The following TMEM132D variants were observed in gnomAD, a reference collection of about 807,000 sequenced individuals.
The protein encoded by TMEM132D is mature OL transmembrane protein.
Under a neutral mutation model 62.3 loss-of-function variants are expected in TMEM132D, and 21 were observed. The observed-to-expected ratio is 0.34, with a 90% CI of 0.24 to 0.49. The LOEUF (loss-of-function observed/expected upper bound fraction) is 0.49. Among genes scored for constraint, TMEM132D ranks in the 20% least tolerant of loss-of-function variants. The pLI is 0.99. For missense variants in TMEM132D, 1,346 were observed against 1,402.8 expected, an observed-to-expected ratio of 0.96 and a Z score of 0.65; for synonymous variants, 621 against 575.6, an observed-to-expected ratio of 1.08 and a Z score of -1.13.
intron 2 of TMEM132D, among the ~76,000 whole-genome samples, chr12:129,568,812 A>T (rs1357899544): frequency 6.6e-6 from 1 of 152,228 alleles, no homozygotes; most frequent in Non-Finnish European, 1.5e-5. Context: ...GGAAAACCAC[A>T]TTCAACCATA....
intron 6 of TMEM132D, among the ~76,000 whole-genome samples, chr12:129,084,014 C>G (rs1874533677): frequency 6.6e-6 from 1 of 152,142 alleles, no homozygotes; most frequent in East Asian, 1.9e-4. Context: ...TCAGGTTGAC[C>G]CTGTCAGATG....
At chr12:129,178,941 C>T (rs1451962882) in intron 5 of TMEM132D, among the ~76,000 whole-genome samples, 8 of 152,174 alleles carry the variant, frequency 5.3e-5, no homozygotes, top group Admixed American at 3.9e-4. Context: ...CTTTTGCTCT[C>T]GCCACACCCG....
intron 3 of TMEM132D, among the ~76,000 whole-genome samples, chr12:129,491,065 G>T (rs1487267472): frequency 6.6e-6 from 1 of 152,120 alleles, no homozygotes; most frequent in Non-Finnish European, 1.5e-5. Context: ...AACTCTAAAA[G>T]TACCAAATAT....
At chr12:129,181,429 C>T (rs1878060935) in intron 5 of TMEM132D, among the ~76,000 whole-genome samples, 1 of 152,210 alleles carries the variant, frequency 6.6e-6, no homozygotes, top group Non-Finnish European at 1.5e-5. Context: ...GATTCATCCT[C>T]CAACAGCAGA....
intron 5 of TMEM132D, among the ~76,000 whole-genome samples, chr12:129,123,686 AT>A (rs1876128840): frequency 6.6e-6 from 1 of 152,220 alleles, no homozygotes; most frequent in Admixed American, 6.5e-5. Flanking sequence ...GCACAAATTA[AT>A]TTGAAGCAGT....
At chr12:129,373,634 CAAACA>C (rs1015110167) in intron 3 of TMEM132D, among the ~76,000 whole-genome samples, 10 of 151,496 alleles carry the variant, frequency 6.6e-5, no homozygotes, top group Non-Finnish European at 1.2e-4. Flanking sequence ...TTGTCTCAAA[CAAACA>C]AAACAAAACA....
chr12:129,894,847 C>G (rs959860926), intron 1 of TMEM132D, among the ~76,000 whole-genome samples: 8 of 152,150 alleles, frequency 5.3e-5, no homozygotes, highest in African/African-American at 1.9e-4. Flanking sequence ...TCAAACTCCT[C>G]TCTCGTACCT....
chr12:129,837,987 A>G (rs1873060176), intron 1 of TMEM132D, among the ~76,000 whole-genome samples: 1 of 152,246 alleles, frequency 6.6e-6, no homozygotes, highest in Non-Finnish European at 1.5e-5. Context: ...TCTTCAGACA[A>G]GAATAAAGCA....
chr12:129,413,326 AT>A (rs1872023845), intron 3 of TMEM132D, among the ~76,000 whole-genome samples: 1 of 152,092 alleles, frequency 6.6e-6, no homozygotes, highest in African/African-American at 2.4e-5. Flanking sequence ...CTTGGCTCTC[AT>A]TTTCTCTCTT....
intron 1 of TMEM132D, among the ~76,000 whole-genome samples, chr12:129,778,181 G>A (rs1871005900): frequency 1.9e-5 from 1 of 51,316 alleles, no homozygotes. Context: ...AAGAAAAGAA[G>A]GAATCAGAAA....
At position 129,699,844 on chromosome 12, in the gene TMEM132D, A is replaced by C. The variant is rs780294945; in HGVS notation, c.934T>G (p.Ser312Ala). The change falls in exon 2 of 9, where the codon TCC (serine) becomes GCC (alanine). Residue 312 changes from serine to alanine, a missense_variant. Physicochemically the swap from Ser to Ala is moderately conservative, Grantham distance 99. Transcript: ENST00000422113. ...AAGCGATCTTCAGTGGAATTTCTGG[A>C]GATGGAAACAGGAAAAGTCAGCACG... The part of the protein sequence containing the change: ...GDVLTFPVSI[S>A]RNSTEDRFTL... 1 of 1,614,142 alleles carries C rather than the reference A, an allele frequency of 6.2e-7. No individual in the cohort carries two copies. The highest frequency in any genetic ancestry group is 8.5e-7 in the Non-Finnish European group (1 of 1,180,028).
chr12:129,200,778 G>A (rs1878684419), intron 5 of TMEM132D, among the ~76,000 whole-genome samples: 1 of 152,186 alleles, frequency 6.6e-6, no homozygotes, highest in African/African-American at 2.4e-5. Context: ...GGCCATTCAG[G>A]CCCCAACACT....
At chr12:129,348,344 G>C (rs1411736233) in intron 3 of TMEM132D, among the ~76,000 whole-genome samples, 1 of 152,172 alleles carries the variant, frequency 6.6e-6, no homozygotes, top group Non-Finnish European at 1.5e-5. Context: ...AGAAAATGTG[G>C]CACATATACA....
At chr12:129,726,122 G>T (rs1275957953) in intron 1 of TMEM132D, among the ~76,000 whole-genome samples, 4 of 152,180 alleles carry the variant, frequency 2.6e-5, no homozygotes, top group Admixed American at 6.5e-5. Context: ...AGAATTAAAG[G>T]CCTCCTGTGT....
chr12:129,847,776 G>A (rs948248732), intron 1 of TMEM132D, among the ~76,000 whole-genome samples: 1 of 151,894 alleles, frequency 6.6e-6, no homozygotes, highest in Non-Finnish European at 1.5e-5. Context: ...CTGTCTTTTG[G>A]AACACTTGCC....
chr12:129,307,416 A>G (rs1294760897), intron 4 of TMEM132D, among the ~76,000 whole-genome samples: 1 of 152,194 alleles, frequency 6.6e-6, no homozygotes, highest in Non-Finnish European at 1.5e-5. Context: ...TGCTAATTCA[A>G]ACCTGGAGAT....
intron 2 of TMEM132D, among the ~76,000 whole-genome samples, chr12:129,628,910 C>T (rs576049141): frequency 1.1e-4 from 17 of 151,730 alleles, no homozygotes; most frequent in Admixed American, 8.6e-4. Flanking sequence ...ATCTTCCTTC[C>T]TTCATTTCTA....
At chr12:129,300,145 A>G (rs143639884) in intron 4 of TMEM132D, among the ~76,000 whole-genome samples, 4 of 152,196 alleles carry the variant, frequency 2.6e-5, no homozygotes, top group African/African-American at 7.2e-5. Flanking sequence ...GAACCAAGTC[A>G]TCGTAGAGGA....
At chr12:129,215,419 A>G (rs1233102402) in intron 4 of TMEM132D, among the ~76,000 whole-genome samples, 2 of 152,198 alleles carry the variant, frequency 1.3e-5, no homozygotes, top group Non-Finnish European at 2.9e-5. Context: ...TTGGTACAAC[A>G]AACCTCCATG....
Sources: gnomAD v4.1 joint callset for allele counts (sites outside exome capture counted in the v4.1 genomes callset) on GRCh38, gnomAD v4.1.1 for gene constraint, MANE v1.5 for transcripts, NCBI Gene and HGNC (gene_info 2026-07-23, HGNC 2026-07-21) for gene names.